The following AKT2 variants were observed in gnomAD, a reference collection of about 807,000 sequenced individuals.
AKT2 encodes the protein AKT serine/threonine kinase 2.
AKT2 carries 16 observed loss-of-function variants against 58.6 expected under a neutral mutation model. That is an observed-to-expected ratio of 0.27 (90% confidence interval 0.18 to 0.41). The LOEUF (loss-of-function observed/expected upper bound fraction) is 0.41. AKT2 is among the 10% of genes least tolerant of loss of function. AKT2 has a pLI of 1.00. For missense variants in AKT2, 438 were observed against 661.0 expected, an observed-to-expected ratio of 0.66 and a Z score of 3.70; for synonymous variants, 253 against 254.0, an observed-to-expected ratio of 1.00 and a Z score of 0.04.
At chr19:40,266,485 A>G (rs1381996086) in intron 1 of AKT2, 1 of 152,422 alleles carries the variant, frequency 6.6e-6, no homozygotes, top group East Asian at 1.9e-4. Context: ...CAAGATGGAC[A>G]TGACAGGGAA....
At chr19:40,266,625 G>C (rs1372070232) in intron 1 of AKT2, among the ~76,000 whole-genome samples, 1 of 152,122 alleles carries the variant, frequency 6.6e-6, no homozygotes, top group Non-Finnish European at 1.5e-5. Context: ...AAGCACACAG[G>C]ACTGCCAGAC....
In AKT2 at chr19:40,242,119, G is replaced by C. The variant is rs576276808; in HGVS notation, c.442-50C>G. 1 of 1,612,310 alleles carries C rather than the reference G, an allele frequency of 6.2e-7. No individual in the cohort carries two copies. Among genetic ancestry groups the C allele is most frequent in the South Asian group, 1.1e-5 (1 of 90,998 alleles). ...GCAGTCAGCGCCTGGCTCATGGCCC[G>C]TGGGAGGAAATTTTAACAAAAGAAA... On this transcript the variant is annotated intron_variant, in intron 5 of 13. Transcript: ENST00000392038. This position sits in a 1 kb window ranked among gnomAD's most constrained non-coding sequence, Gnocchi z 4.3.
rs1973705368 is a variant in AKT2 at position 40,231,623 on chromosome 19, C to A, written c.*2249G>T. 2 of 233,366 alleles carry A rather than the reference C, an allele frequency of 8.6e-6. No individual in the cohort carries two copies. Among genetic ancestry groups the A allele is most frequent in the Non-Finnish European group, 1.7e-5 (2 of 118,076 alleles). 14.5% of individuals were successfully genotyped at this position (233,366 alleles called of 1,614,324 possible). On this transcript the variant is annotated 3_prime_UTR_variant, in exon 14 of 14. Transcript: ENST00000392038. Reference sequence around the variant, plus strand: ...AGGCCCTCTGCACAGCAGGGCTCAGCAGGGCAGGCCAGGGCTCTGGTCCCT... The same window carrying A: ...AGGCCCTCTGCACAGCAGGGCTCAGAAGGGCAGGCCAGGGCTCTGGTCCCT...
In AKT2 at chr19:40,233,238, C is replaced by G. The variant is rs1973807364; in HGVS notation, c.*634G>C. 3.8e-6 allele frequency: 1 copy of G among 264,596 alleles called. No individual in the cohort carries two copies. Among genetic ancestry groups the G allele is most frequent in the East Asian group, 5.7e-5 (1 of 17,600 alleles). 16.4% of individuals were successfully genotyped at this position (264,596 alleles called of 1,614,324 possible). ...ACCAGGAGGCGGCACCCAGCCCGGC[C>G]ACTCCTGGTTCCCCATGGTACAGAT... On this transcript the variant is annotated 3_prime_UTR_variant, in exon 14 of 14. Coordinates refer to ENST00000392038, the MANE Select transcript of AKT2 (RefSeq NM_001626.6). The surrounding 1 kb of genome is among the most constrained non-coding windows in gnomAD (Gnocchi z 4.3).
rs111508632 is a variant in AKT2 at position 40,238,011 on chromosome 19, A to G, written c.789T>C (p.Leu263=). ...RFYGAEIVSA[L]EYLHSRDVVY... ...CCACGTCCCGCGAGTGCAAGTACTCAAGAGCCGAGACAATCTCTGCACCAT... is the reference window on the plus strand; with the variant it reads ...CCACGTCCCGCGAGTGCAAGTACTCGAGAGCCGAGACAATCTCTGCACCAT... The change falls in exon 9 of 14, where the codon CTT becomes CTC. Residue 263 remains leucine, a synonymous_variant. Coordinates refer to ENST00000392038, the MANE Select transcript of AKT2 (RefSeq NM_001626.6). This position sits in a 1 kb window ranked among gnomAD's most constrained non-coding sequence, Gnocchi z 5.1. The G allele has an allele frequency of 3.7e-6, 6 of 1,613,148 alleles. No homozygotes were observed. The highest frequency in any genetic ancestry group is 3.4e-6 in the Non-Finnish European group (4 of 1,179,756).
At position 40,230,557 on chromosome 19, in the gene AKT2, A is replaced by G. The variant is rs1973652121; in HGVS notation, c.*3315T>C. The G allele has an allele frequency of 4.4e-6, 1 of 227,588 alleles. No individual in the cohort carries two copies. Among genetic ancestry groups the G allele is most frequent in the Admixed American group, 5.7e-5 (1 of 17,598 alleles). 14.1% of individuals were successfully genotyped at this position (227,588 alleles called of 1,614,324 possible). On this transcript the variant is annotated 3_prime_UTR_variant, in exon 14 of 14. Transcript: ENST00000392038. ...CCAGAGGCTTCACATTAACTGGAAA[A>G]GATTACACAAAAAGAGCAGGAAACT...
rs982567623 is a variant in AKT2, at chr19:40,275,926, C to T, written c.-85+9255G>A. 4.6e-5 allele frequency among the ~76,000 whole-genome samples: 7 copies of T among 151,054 alleles called. No homozygotes were observed. In the South Asian group the frequency reaches 8.4e-4, roughly 18 times the overall value. ...TACTCGGGAGGCTGAGGCAGAGAAT[C>T]GCTTGAACCCGGGAGGCGGCGGTTG... On this transcript the variant is annotated intron_variant, in intron 1 of 13. Coordinates refer to ENST00000392038, the MANE Select transcript of AKT2 (RefSeq NM_001626.6).
chr19:40,235,025 CG>C lies in AKT2; in HGVS notation c.1366+19del, dbSNP rs2145156799. 1 of 1,608,732 alleles carries C rather than the reference CG, an allele frequency of 6.2e-7. No individual in the cohort carries two copies. The highest frequency in any genetic ancestry group is 8.5e-7 in the Non-Finnish European group (1 of 1,175,064). ...CACCCCTGGGGCAGGCACACCAGCG[CG>C]GGGGCCCCAGGCACTCACAGCGGTC... On this transcript the variant is annotated intron_variant, in intron 13 of 13. Coordinates refer to ENST00000392038, the MANE Select transcript of AKT2 (RefSeq NM_001626.6). The surrounding 1 kb of genome is among the most constrained non-coding windows in gnomAD (Gnocchi z 6.3).
chr19:40,271,083 T>C lies in AKT2; in HGVS notation c.-84-5732A>G, dbSNP rs137997072. Among the ~76,000 whole-genome samples, 1,248 of 150,180 alleles carry C rather than the reference T, an allele frequency of 8.3e-3. 12 individuals carry two copies. Among genetic ancestry groups the C allele is most frequent in the South Asian group, 0.027 (129 of 4,758 alleles). ...GGCCGGGCACGGTGGCTCACACCTG[T>C]AATCTCAGCACTTTGGGAAGCCAAG... On this transcript the variant is annotated intron_variant, in intron 1 of 13. Transcript: ENST00000392038.
chr19:40,256,310 A>G (rs190136864), intron 3 of AKT2, among the ~76,000 whole-genome samples: 401 of 152,174 alleles, frequency 2.6e-3, no homozygotes, highest in Non-Finnish European at 4.4e-3. Context: ...GGCAGTGGAG[A>G]TGGGGGTGCC....
At chr19:40,241,204 A>T (rs1974383581) in intron 6 of AKT2, 1 of 153,818 alleles carries the variant, frequency 6.5e-6, no homozygotes, top group Non-Finnish European at 1.4e-5. Context: ...GCGCAGAATC[A>T]TCTGTCCCAA....
intron 2 of AKT2, 130 bp downstream of exon 2, chr19:40,265,092 G>T: frequency 1.5e-6 from 2 of 1,371,752 alleles, no homozygotes; most frequent in Non-Finnish European, 2.0e-6. Flanking sequence ...ATAAGCAGCT[G>T]TGGGCCTGGG....
chr19:40,248,005 G>C (rs967315319), intron 4 of AKT2, among the ~76,000 whole-genome samples: 2 of 152,192 alleles, frequency 1.3e-5, no homozygotes, highest in African/African-American at 4.8e-5. Context: ...GCACAGTACG[G>C]GGCAAGCACA....
intron 4 of AKT2, among the ~76,000 whole-genome samples, chr19:40,250,205 A>G (rs759295940): frequency 8.3e-4 from 126 of 152,180 alleles, no homozygotes; most frequent in Admixed American, 1.4e-3. Flanking sequence ...AAAATACATG[A>G]TAAGATTTAC....
Position 40,237,830 on chromosome 19 carries a change from G to C in AKT2, c.831+139C>G. 1.6e-6 allele frequency: 2 copies of C among 1,268,670 alleles called. No homozygotes were observed. The highest frequency in any genetic ancestry group is 1.3e-5 in the South Asian group (1 of 75,248). 78.6% of individuals were successfully genotyped at this position (1,268,670 alleles called of 1,614,324 possible). On this transcript the variant is annotated intron_variant, in intron 9 of 13. Coordinates refer to ENST00000392038, the MANE Select transcript of AKT2 (RefSeq NM_001626.6). This position sits in a 1 kb window ranked among gnomAD's most constrained non-coding sequence, Gnocchi z 4.5. ...ACCCTGGACCTTGGTGGGGAGCCTG[G>C]CGAATGAGGGCAGCCACCACCCTGG...
At chr19:40,249,885 G>A (rs1490051932) in intron 4 of AKT2, among the ~76,000 whole-genome samples, 3 of 152,238 alleles carry the variant, frequency 2.0e-5, no homozygotes, top group African/African-American at 7.2e-5. Context: ...GACAGCGAAG[G>A]GAGGCAGGGC....
chr19:40,255,528 G>A (rs1178156719), intron 3 of AKT2, among the ~76,000 whole-genome samples: 1 of 152,220 alleles, frequency 6.6e-6, no homozygotes, highest in Non-Finnish European at 1.5e-5. Context: ...GAGGTGTGCA[G>A]AAGCTCAGAG....
In AKT2 at chr19:40,240,118, C is replaced by CA. The variant is rs1974297767; in HGVS notation, c.574-9dup. 6.2e-7 allele frequency: 1 copy of CA among 1,613,994 alleles called. No individual in the cohort carries two copies. Among genetic ancestry groups the CA allele is most frequent in the East Asian group, 2.2e-5 (1 of 44,880 alleles). ...TGTGTGAGCGACTTCATCCTGCAGACAGACTGCGGGTGAGGGGCTGGTGGG... is the reference window on the plus strand; with the variant it reads ...TGTGTGAGCGACTTCATCCTGCAGACAAGACTGCGGGTGAGGGGCTGGTGGG... On this transcript the variant is annotated splice_polypyrimidine_tract_variant and intron_variant, in intron 6 of 13. Coordinates refer to ENST00000392038, the MANE Select transcript of AKT2 (RefSeq NM_001626.6).
intron 1 of AKT2, among the ~76,000 whole-genome samples, chr19:40,284,005 C>T (rs768422137): frequency 5.9e-5 from 9 of 152,204 alleles, no homozygotes; most frequent in Non-Finnish European, 1.2e-4. Flanking sequence ...GGACCCTTCA[C>T]ATCCACTGCC....
Sources: allele counts gnomAD v4.1 joint callset (sites outside exome capture counted in the v4.1 genomes callset), GRCh38; gene constraint gnomAD v4.1.1; non-coding constraint Gnocchi (gnomAD v3.1); transcripts MANE v1.5; gene names NCBI Gene and HGNC (gene_info 2026-07-23, HGNC 2026-07-21).